Variants in PDE8B observed in about 807,000 individuals in gnomAD.
PDE8B encodes the protein phosphodiesterase 8B, also known as high affinity cAMP-specific and IBMX-insensitive 3',5'-cyclic phosphodiesterase 8B.
In PDE8B, 26 loss-of-function variants were observed where a neutral mutation model predicts 101.3. The observed-to-expected ratio is 0.26, with a 90% confidence interval of 0.19 to 0.36. The LOEUF (loss-of-function observed/expected upper bound fraction) is 0.36. PDE8B is among the 10% of genes least tolerant of loss of function. The pLI, the probability that PDE8B is intolerant of heterozygous loss-of-function variation, is 1.00. For synonymous variants in PDE8B, 424 were observed against 429.3 expected (o/e 0.99, Z 0.15); for missense variants, 810 against 1,163.1 (o/e 0.70, Z 4.42).
At chr5:77,336,518 AT>A (rs1778232529) in intron 5 of PDE8B, among the ~76,000 whole-genome samples, 1 of 151,996 alleles carries the variant, frequency 6.6e-6, no homozygotes, top group South Asian at 2.1e-4. Context: ...CACTTAATAC[AT>A]TTTTCGGGTT....
At chr5:77,232,967 C>T (rs549341973) in intron 1 of PDE8B, among the ~76,000 whole-genome samples, 1 of 152,264 alleles carries the variant, frequency 6.6e-6, no homozygotes, top group South Asian at 2.1e-4. Flanking sequence ...GAAGATGTCA[C>T]AGGAGTATTG....
the PDE8B span, among the ~76,000 whole-genome samples, chr5:77,110,975 T>A: frequency 1.3e-5 from 2 of 152,230 alleles, no homozygotes; most frequent in Non-Finnish European, 2.9e-5. Flanking sequence ...TAAAATGTTA[T>A]AATCAATCTT....
intron 1 of PDE8B, among the ~76,000 whole-genome samples, chr5:77,225,160 C>T (rs1256261125): frequency 6.6e-6 from 1 of 152,152 alleles, no homozygotes; most frequent in Non-Finnish European, 1.5e-5. Context: ...AGATAAACTT[C>T]CCTCCATCCA....
intron 10 of PDE8B, among the ~76,000 whole-genome samples, chr5:77,394,363 G>C (rs140348109): frequency 6.6e-6 from 1 of 152,034 alleles, no homozygotes; most frequent in South Asian, 2.1e-4. Context: ...TCTCCTCCTC[G>C]CACTCTTCAG....
the PDE8B span, among the ~76,000 whole-genome samples, chr5:77,125,035 A>C: frequency 8.3e-3 from 1,263 of 152,264 alleles, 15 homozygotes; most frequent in African/African-American, 0.029. Context: ...CTGTCACCCA[A>C]GCTGGAATGC....
intron 10 of PDE8B, among the ~76,000 whole-genome samples, chr5:77,379,368 T>C (rs905967956): frequency 3.3e-5 from 5 of 152,222 alleles, no homozygotes; most frequent in African/African-American, 9.6e-5. Context: ...GAAATTCATA[T>C]GCAGTTTCAT....
the PDE8B span, among the ~76,000 whole-genome samples, chr5:77,202,906 TA>T: frequency 3.9e-5 from 6 of 152,364 alleles, no homozygotes; most frequent in African/African-American, 1.4e-4. Flanking sequence ...GGCCTGTAGT[TA>T]AAGTTTTTGA....
chr5:77,187,570 A>T, the PDE8B span, among the ~76,000 whole-genome samples: 1 of 152,120 alleles, frequency 6.6e-6, no homozygotes, highest in Non-Finnish European at 1.5e-5. Flanking sequence ...TTTCTTAGTG[A>T]TACATAAAGT....
At chr5:77,337,922 C>T (rs1294503864) in intron 6 of PDE8B, among the ~76,000 whole-genome samples, 1 of 152,198 alleles carries the variant, frequency 6.6e-6, no homozygotes, top group Non-Finnish European at 1.5e-5. Context: ...GGATGTTCTG[C>T]TCCTGGGCCC....
rs576226816 is a variant in PDE8B at position 77,298,034 on chromosome 5, T to C, written c.340-13960T>C. ...AACACTCAGTCTTGCTTATCTTTTT[T>C]GGCTTATTTTCTGTGTAGTATCTGG... On this transcript the variant is annotated intron_variant, in intron 1 of 21. Transcript: ENST00000264917. Among the ~76,000 whole-genome samples the C allele has an allele frequency of 2.6e-5, 4 of 152,342 alleles. No homozygotes were observed. The South Asian group carries it at 8.3e-4, about 32-fold the overall frequency.
rs1477872387 is a variant in PDE8B at position 77,240,280 on chromosome 5, A to C, written c.339+29016A>C. Among the ~76,000 whole-genome samples the C allele has an allele frequency of 3.9e-5, 6 of 152,134 alleles. No homozygotes were observed. The South Asian group carries it at 6.2e-4, about 16-fold the overall frequency. ...GCCATTCTCCTGCCTCAGCCTTCCGAGTAGCTGGGACTACAGACGCCCGCC... is the reference window on the plus strand; with the variant it reads ...GCCATTCTCCTGCCTCAGCCTTCCGCGTAGCTGGGACTACAGACGCCCGCC... On this transcript the variant is annotated intron_variant, in intron 1 of 21. Coordinates refer to ENST00000264917, the MANE Select transcript of PDE8B (RefSeq NM_003719.5).
intron 1 of PDE8B, among the ~76,000 whole-genome samples, chr5:77,220,855 G>A (rs903380919): frequency 6.6e-6 from 1 of 152,142 alleles, no homozygotes; most frequent in Admixed American, 6.5e-5. Context: ...GAGCTGAGGG[G>A]CTCAGGTGGT....
the PDE8B span, among the ~76,000 whole-genome samples, chr5:77,187,255 T>C: frequency 7.6e-3 from 1,162 of 152,320 alleles, 5 homozygotes; most frequent in Middle Eastern, 0.024. Flanking sequence ...AATTTGATAT[T>C]GATGAGGCAA....
intron 2 of PDE8B, among the ~76,000 whole-genome samples, chr5:77,315,425 T>C (rs751444071): frequency 6.6e-6 from 1 of 152,234 alleles, no homozygotes; most frequent in Non-Finnish European, 1.5e-5. Context: ...TTCTTCCCCA[T>C]TGAATTGCTT....
At chr5:77,293,590 C>A (rs926782160) in intron 1 of PDE8B, among the ~76,000 whole-genome samples, 1 of 152,332 alleles carries the variant, frequency 6.6e-6, no homozygotes. Context: ...AAATCCAAGT[C>A]TAGCCATTTA....
chr5:77,427,990 T>G lies in PDE8B; in HGVS notation c.*1436T>G, dbSNP rs1043299152. On this transcript the variant is annotated 3_prime_UTR_variant, in exon 22 of 22. Transcript: ENST00000264917. Reference sequence around the variant, plus strand: ...AAAAATGACTTATCACTACATAATGTGCCAATGTTTTTTTCTATGTTTTGT... The same window carrying G: ...AAAAATGACTTATCACTACATAATGGGCCAATGTTTTTTTCTATGTTTTGT... 1 of 152,250 alleles carries G rather than the reference T, an allele frequency of 6.6e-6. No homozygotes were observed. Among genetic ancestry groups the G allele is most frequent in the Non-Finnish European group, 1.5e-5 (1 of 68,044 alleles). 9.4% of individuals were successfully genotyped at this position (152,250 alleles called of 1,614,324 possible).
intron 1 of PDE8B, among the ~76,000 whole-genome samples, chr5:77,264,274 G>A (rs1309162483): frequency 6.6e-6 from 1 of 152,116 alleles, no homozygotes; most frequent in Non-Finnish European, 1.5e-5. Flanking sequence ...TTTCTTTCAG[G>A]TATGTACCTA....
intron 14 of PDE8B, chr5:77,410,709 T>TA (rs1794397975): frequency 6.6e-6 from 1 of 152,198 alleles, no homozygotes; most frequent in Non-Finnish European, 1.5e-5. Context: ...TTTACTCAGT[T>TA]TTTAAAATTA....
intron 1 of PDE8B, among the ~76,000 whole-genome samples, chr5:77,305,413 G>GT (rs1405624979): frequency 6.6e-6 from 1 of 152,206 alleles, no homozygotes; most frequent in East Asian, 1.9e-4. Context: ...CCACAGCCAG[G>GT]TAAGGCTGGA....
Sources: gnomAD v4.1 joint callset for allele counts (sites outside exome capture counted in the v4.1 genomes callset) on GRCh38, gnomAD v4.1.1 for gene constraint, MANE v1.5 for transcripts, NCBI Gene and HGNC (gene_info 2026-07-23, HGNC 2026-07-21) for gene names.